The following PPP4R4 variants were observed in gnomAD, a reference collection of about 807,000 sequenced individuals.
The protein encoded by PPP4R4 is serine/threonine-protein phosphatase 4 regulatory subunit 4.
A neutral mutation model predicts 121.8 loss-of-function variants in PPP4R4; 70 were observed. The ratio of observed to expected loss-of-function variants is 0.57; its 90% CI spans 0.47 to 0.70. The LOEUF (loss-of-function observed/expected upper bound fraction) is 0.70. Among genes scored for constraint, PPP4R4 ranks in the 30% least tolerant of loss-of-function variants. PPP4R4 has a pLI of 0.00. For synonymous variants in PPP4R4, 348 were observed against 355.7 expected, an observed-to-expected ratio of 0.98 and a Z score of 0.24; for missense variants, 875 against 1,033.6, an observed-to-expected ratio of 0.85 and a Z score of 2.10.
chr14:94,199,846 C>T (rs758686189), intron 2 of PPP4R4, among the ~76,000 whole-genome samples: 1 of 152,162 alleles, frequency 6.6e-6, no homozygotes, highest in African/African-American at 2.4e-5. Context: ...TGTTTTCTTC[C>T]GCTGGAGTGT....
intron 7 of PPP4R4, among the ~76,000 whole-genome samples, chr14:94,236,140 C>T (rs977863935): frequency 5.9e-5 from 9 of 151,996 alleles, no homozygotes; most frequent in African/African-American, 1.9e-4. Context: ...ATTTAAGTGT[C>T]GTGTTGGAAG....
At position 94,275,229 on chromosome 14, in the gene PPP4R4, T is replaced by C. The variant is rs559199028; in HGVS notation, c.2450-145T>C. The C allele has an allele frequency of 2.9e-5, 25 of 870,384 alleles. 1 individual carries two copies. Among genetic ancestry groups the C allele is most frequent in the Middle Eastern group, 3.4e-4 (1 of 2,908 alleles). The allele number at this position is 870,384 out of a possible 1,614,324, so 53.9% of individuals were successfully genotyped here. On this transcript the variant is annotated intron_variant, in intron 23 of 24. Coordinates refer to ENST00000304338, the MANE Select transcript of PPP4R4 (RefSeq NM_058237.2). Reference sequence around the variant, plus strand: ...TGTACATATGTCAAAACCTTAACTTTTTGCAGTTTGTTGTATGTAAATTAT... The same window carrying C: ...TGTACATATGTCAAAACCTTAACTTCTTGCAGTTTGTTGTATGTAAATTAT...
chr14:94,242,430 C>A (rs377598681), intron 11 of PPP4R4, 22 bp downstream of exon 11: 118 of 1,593,098 alleles, frequency 7.4e-5, no homozygotes, highest in Non-Finnish European at 9.4e-5. Flanking sequence ...GACTTGATAT[C>A]ACTTTACGTT....
intron 19 of PPP4R4, among the ~76,000 whole-genome samples, chr14:94,261,227 C>T (rs892179512): frequency 5.9e-5 from 9 of 152,058 alleles, no homozygotes; most frequent in African/African-American, 2.2e-4. Flanking sequence ...ATACGTTTTC[C>T]ATCTTTGTTC....
chr14:94,241,650 T>A (rs1892642064), intron 9 of PPP4R4, 138 bp from the exon 10 acceptor site: 1 of 642,310 alleles, frequency 1.6e-6, no homozygotes, highest in Non-Finnish European at 2.6e-6. Flanking sequence ...TCTTTTCATG[T>A]TCCTTTTATT....
At chr14:94,233,400 G>A (rs1476212596) in intron 5 of PPP4R4, among the ~76,000 whole-genome samples, 9 of 152,246 alleles carry the variant, frequency 5.9e-5, no homozygotes, top group East Asian at 5.8e-4. Flanking sequence ...TGCATACAGA[G>A]CATTGTAAAA....
At chr14:94,208,804 CATTT>C (rs1200645014) in intron 3 of PPP4R4, among the ~76,000 whole-genome samples, 2 of 151,964 alleles carry the variant, frequency 1.3e-5, no homozygotes, top group Non-Finnish European at 2.9e-5. Context: ...TCAGTAGAGA[CATTT>C]TACTAAAGGT....
chr14:94,175,871 C>T, intron 1 of PPP4R4, 183 bp from the exon 2 acceptor site: 1 of 591,728 alleles, frequency 1.7e-6, no homozygotes, highest in African/African-American at 1.9e-5. Context: ...CCCAAACCAC[C>T]CAATTAGAGA....
intron 2 of PPP4R4, among the ~76,000 whole-genome samples, chr14:94,184,880 A>G (rs1567103229): frequency 6.6e-6 from 1 of 152,246 alleles, no homozygotes; most frequent in Non-Finnish European, 1.5e-5. Context: ...TAATGCAACT[A>G]ATAGTTGCTT....
chr14:94,270,776 G>C (rs1894279127), intron 23 of PPP4R4, among the ~76,000 whole-genome samples: 1 of 151,882 alleles, frequency 6.6e-6, no homozygotes. Flanking sequence ...AAATCAGCTG[G>C]GTGTGGTGGT....
At chr14:94,266,811 A>G (rs1472823913) in intron 22 of PPP4R4, 148 bp from the exon 23 acceptor site, 3 of 594,814 alleles carry the variant, frequency 5.0e-6, no homozygotes, top group Non-Finnish European at 5.9e-6. Flanking sequence ...TGAGGCATGA[A>G]TATAAAAAAA....
chr14:94,262,883 G>A (rs1893857478), intron 19 of PPP4R4, among the ~76,000 whole-genome samples: 1 of 151,798 alleles, frequency 6.6e-6, no homozygotes. Context: ...ATTTTCACTG[G>A]GTATAGAAGT....
chr14:94,208,690 G>T lies in PPP4R4; in HGVS notation c.294+124G>T, dbSNP rs1271283. ...CACCTAAAAATTGAGTGGAGGAAGT[G>T]TTATTATATACATTTTGAATTATAA... is the stretch of plus-strand genomic sequence containing the variant. On this transcript the variant is annotated intron_variant, in intron 3 of 24. Coordinates refer to ENST00000304338, the MANE Select transcript of PPP4R4 (RefSeq NM_058237.2). 13 of 581,646 alleles carry T rather than the reference G, an allele frequency of 2.2e-5. No individual in the cohort carries two copies. The Middle Eastern group carries it at 1.3e-3, about 59-fold the overall frequency. The allele number at this position is 581,646 out of a possible 1,614,324, so 36.0% of individuals were successfully genotyped here.
intron 2 of PPP4R4, among the ~76,000 whole-genome samples, chr14:94,196,821 C>T (rs1024304853): frequency 2.0e-5 from 3 of 151,918 alleles, no homozygotes; most frequent in African/African-American, 7.3e-5. Flanking sequence ...TTAAAAATTT[C>T]TTTGCTTGTG....
intron 17 of PPP4R4, 107 bp downstream of exon 17, chr14:94,256,711 A>C: frequency 8.7e-7 from 1 of 1,155,820 alleles, no homozygotes; most frequent in Non-Finnish European, 1.2e-6. Context: ...CAATATTTTT[A>C]TCCTTGCTAA....
chr14:94,212,961 A>T (rs1417476716), intron 3 of PPP4R4, among the ~76,000 whole-genome samples: 2 of 152,232 alleles, frequency 1.3e-5, no homozygotes, highest in East Asian at 1.9e-4. Flanking sequence ...TAAATTTGTC[A>T]TAAAATTATA....
intron 2 of PPP4R4, among the ~76,000 whole-genome samples, chr14:94,187,128 A>G (rs1236530761): frequency 6.6e-6 from 1 of 152,156 alleles, no homozygotes; most frequent in Admixed American, 6.5e-5. Context: ...CCTGGCCAAC[A>G]TGGTGAAACC....
intron 3 of PPP4R4, among the ~76,000 whole-genome samples, chr14:94,223,321 A>G (rs1219193581): frequency 6.6e-6 from 1 of 152,218 alleles, no homozygotes; most frequent in African/African-American, 2.4e-5. Flanking sequence ...TATCTTTCTC[A>G]TGGAAGGAAT....
At chr14:94,271,232 A>C (rs558302490) in intron 23 of PPP4R4, among the ~76,000 whole-genome samples, 104 of 152,338 alleles carry the variant, frequency 6.8e-4, no homozygotes, top group African/African-American at 2.3e-3. Flanking sequence ...ATACATACCA[A>C]CATCTCTCAA....
Sources: allele counts gnomAD v4.1 joint callset (sites outside exome capture counted in the v4.1 genomes callset), GRCh38; gene constraint gnomAD v4.1.1; transcripts MANE v1.5; gene names NCBI Gene and HGNC (gene_info 2026-07-23, HGNC 2026-07-21).